Variants in FREM1 observed in about 807,000 individuals in gnomAD.
FREM1 encodes the protein FRAS1 related extracellular matrix 1.
A neutral mutation model predicts 210.1 loss-of-function variants in FREM1; 220 were observed. That is an observed-to-expected ratio of 1.05 (90% confidence interval 0.94 to 1.17). FREM1 has a LOEUF of 1.17. FREM1 is among the 50% of genes most tolerant of loss of function. The pLI, the probability that FREM1 is intolerant of heterozygous loss-of-function variation, is 0.00. For missense variants in FREM1, 3,454 were observed against 2,675.5 expected (o/e 1.29, Z -6.42); for synonymous variants, 1,189 against 980.2 (o/e 1.21, Z -3.98).
intron 3 of FREM1, among the ~76,000 whole-genome samples, chr9:14,862,910 G>C (rs1285663761): frequency 1.3e-5 from 2 of 152,018 alleles, no homozygotes; most frequent in African/African-American, 4.8e-5. Flanking sequence ...TTTTTTGGCT[G>C]TTATGAATAA....
At chr9:14,826,696 G>A (rs1227278998) in intron 10 of FREM1, among the ~76,000 whole-genome samples, 1 of 152,152 alleles carries the variant, frequency 6.6e-6, no homozygotes, top group African/African-American at 2.4e-5. Context: ...AGTAGTGATT[G>A]GACCATGAGG....
chr9:14,749,815 A>G (rs1196258958), intron 30 of FREM1, among the ~76,000 whole-genome samples: 1 of 152,180 alleles, frequency 6.6e-6, no homozygotes, highest in Non-Finnish European at 1.5e-5. Flanking sequence ...ATAGCTCTAC[A>G]GACTCTGGGG....
chr9:14,837,306 C>T (rs563595525), intron 10 of FREM1, among the ~76,000 whole-genome samples: 1 of 152,288 alleles, frequency 6.6e-6, no homozygotes, highest in African/African-American at 2.4e-5. Flanking sequence ...CTGGTGTCCA[C>T]CATACTTGGG....
intron 1 of FREM1, among the ~76,000 whole-genome samples, chr9:14,877,454 G>C (rs1170866270): frequency 8.9e-6 from 1 of 112,778 alleles, no homozygotes; most frequent in Non-Finnish European, 2.0e-5. Flanking sequence ...CTTTATGGTA[G>C]ACAGATCTTA....
intron 8 of FREM1, 130 bp downstream of exon 8, chr9:14,845,830 G>T: frequency 2.2e-6 from 2 of 917,542 alleles, no homozygotes; most frequent in Non-Finnish European, 3.4e-6. Flanking sequence ...AAGATCTCCA[G>T]ATTTTCTGCA....
intron 16 of FREM1, among the ~76,000 whole-genome samples, chr9:14,810,524 T>C (rs1819209053): frequency 6.6e-6 from 1 of 152,190 alleles, no homozygotes; most frequent in Non-Finnish European, 1.5e-5. Flanking sequence ...TGATCTTGGC[T>C]TACTCTAGGT....
chr9:14,828,561 C>T (rs1822908311), intron 10 of FREM1, among the ~76,000 whole-genome samples: 1 of 137,876 alleles, frequency 7.3e-6, no homozygotes, highest in Non-Finnish European at 1.5e-5. Flanking sequence ...TGCATTGATG[C>T]TGAAATGAGT....
At chr9:14,884,830 G>A (rs1034537581) in intron 1 of FREM1, among the ~76,000 whole-genome samples, 2 of 149,132 alleles carry the variant, frequency 1.3e-5, no homozygotes, top group Admixed American at 6.7e-5. Context: ...CTGGAATTTT[G>A]CAATGGTAGC....
chr9:14,786,226 T>C (rs1274685243), intron 23 of FREM1, among the ~76,000 whole-genome samples: 1 of 152,114 alleles, frequency 6.6e-6, no homozygotes, highest in Non-Finnish European at 1.5e-5. Flanking sequence ...TAATAAAACA[T>C]TGAGTGAGAA....
intron 22 of FREM1, among the ~76,000 whole-genome samples, chr9:14,792,486 A>G (rs1462517917): frequency 6.6e-6 from 1 of 152,180 alleles, no homozygotes; most frequent in African/African-American, 2.4e-5. Flanking sequence ...TTACCCCAGT[A>G]ATTCCCTCCC....
intron 29 of FREM1, among the ~76,000 whole-genome samples, chr9:14,753,310 TA>T (rs1206047660): frequency 2.6e-5 from 4 of 152,236 alleles, no homozygotes; most frequent in Admixed American, 2.6e-4. Flanking sequence ...TATTTTTTAG[TA>T]AATGCCACAT....
Position 14,876,416 on chromosome 9 carries a change from G to C in FREM1, c.-267-7172C>G, listed in dbSNP as rs528679005. Among the ~76,000 whole-genome samples, 268 of 152,284 alleles carry C rather than the reference G, an allele frequency of 1.8e-3. 1 individual carries two copies. The highest frequency in any genetic ancestry group is 5.1e-3 in the African/African-American group (211 of 41,558). ...CCTCCCCCAGCCTCGCTGCCGCCTT[G>C]CAGTTTGATCTTAGACTGCTGTGCT... On this transcript the variant is annotated intron_variant, in intron 1 of 36. Transcript: ENST00000380880.
Position 14,748,445 on chromosome 9 carries a change from C to G in FREM1, c.5752G>C (p.Asp1918His), listed in dbSNP as rs749450730. 32 of 1,613,514 alleles carry G rather than the reference C, an allele frequency of 2.0e-5. No individual in the cohort carries two copies. Among genetic ancestry groups the G allele is most frequent in the Non-Finnish European group, 2.4e-5 (28 of 1,179,664 alleles). ...GTCCTAAGCTTCCTTTGAGAAAGAT[C>G]TGTAGAATCAAAGCCCCGCAGGGTG... ...GDTLRGFDSTDLSQRKLRTRG... is the reference protein window; with the variant it reads ...GDTLRGFDSTHLSQRKLRTRG... The change falls in exon 31 of 37, where the codon GAT becomes CAT. Residue 1918 changes from aspartate to histidine, a missense_variant. By Grantham distance (81) the Asp-to-His change is moderately conservative. Transcript: ENST00000380880.
intron 5 of FREM1, 143 bp from the exon 6 acceptor site, chr9:14,851,750 G>A: frequency 1.4e-6 from 1 of 723,252 alleles, no homozygotes; most frequent in South Asian, 1.6e-5. Context: ...GGAATCACCT[G>A]GGGAGCTTTA....
chr9:14,761,902 C>A (rs1845564341), intron 27 of FREM1, among the ~76,000 whole-genome samples: 1 of 152,158 alleles, frequency 6.6e-6, no homozygotes, highest in Non-Finnish European at 1.5e-5. Flanking sequence ...ATGCTGGCAT[C>A]CCATGATAGT....
rs377682254 is a variant in FREM1, at chr9:14,857,624, G to T, written c.757C>A (p.Pro253Thr). ...GAGATATAATCAATGTTGGGTGAAG[G>T]GGGATCCAGATGCTGATAACGAAGG... is the stretch of plus-strand genomic sequence containing the variant. ...MGLRYQHLDP[P>T]SPNIDYISIQ... The change falls in exon 5 of 37, where the codon CCT (proline) becomes ACT (threonine). Residue 253 changes from proline (P) to threonine (T), a missense_variant. Physicochemically the swap from Pro to Thr is conservative, Grantham distance 38. Coordinates refer to ENST00000380880, the MANE Select transcript of FREM1 (RefSeq NM_001379081.2). 12 of 1,613,706 alleles carry T rather than the reference G, an allele frequency of 7.4e-6. No homozygotes were observed. The African/African-American group carries it at 1.3e-4, about 18-fold the overall frequency.
Position 14,776,317 on chromosome 9 carries a change from A to G in FREM1, c.4443-114T>C, listed in dbSNP as rs1403622601. Reference sequence around the variant, plus strand: ...AAGGGTATTGTCGTGTTGTGACTCAAATGAAAAATCAAGGGCAGATCTTGC... The same window carrying G: ...AAGGGTATTGTCGTGTTGTGACTCAGATGAAAAATCAAGGGCAGATCTTGC... On this transcript the variant is annotated intron_variant, in intron 24 of 36. Coordinates refer to ENST00000380880, the MANE Select transcript of FREM1 (RefSeq NM_001379081.2). 4.0e-6 allele frequency: 5 copies of G among 1,246,048 alleles called. No individual in the cohort carries two copies. The African/African-American group carries it at 4.5e-5, about 11-fold the overall frequency. 77.2% of individuals were successfully genotyped at this position (1,246,048 alleles called of 1,614,324 possible).
At chr9:14,770,555 G>C in intron 26 of FREM1, 50 bp downstream of exon 26, 4 of 1,395,668 alleles carry the variant, frequency 2.9e-6, no homozygotes, top group Non-Finnish European at 4.1e-6. Context: ...AGCCCTGCCA[G>C]CCACTGGGTA....
At position 14,869,035 on chromosome 9, in the gene FREM1, C is replaced by A; in HGVS notation, c.-58G>T. The A allele has an allele frequency of 8.3e-7, 1 of 1,207,970 alleles. No homozygotes were observed. Among genetic ancestry groups the A allele is most frequent in the Non-Finnish European group, 1.1e-6 (1 of 871,946 alleles). The allele number at this position is 1,207,970 out of a possible 1,614,324, so 74.8% of individuals were successfully genotyped here. On this transcript the variant is annotated 5_prime_UTR_variant, in exon 2 of 37. Transcript: ENST00000380880. ...GCGAAATCCCTTTAACAAAGGAGGG[C>A]TTCTGTGCTTCCTCCTGGAGGGTCA...
Sources: gnomAD v4.1 joint callset for allele counts (sites outside exome capture counted in the v4.1 genomes callset) on GRCh38, gnomAD v4.1.1 for gene constraint, MANE v1.5 for transcripts, NCBI Gene and HGNC (gene_info 2026-07-23, HGNC 2026-07-21) for gene names.